The following NFATC1 variants were observed in gnomAD, a reference collection of about 807,000 sequenced individuals.
The protein encoded by NFATC1 is nuclear factor of activated T cells 1.
Under a neutral mutation model 76.0 loss-of-function variants are expected in NFATC1, and 22 were observed. That is an observed-to-expected ratio of 0.29 (90% CI 0.21 to 0.41). The LOEUF is 0.41. Among genes scored for constraint, NFATC1 ranks in the 10% least tolerant of loss-of-function variants. The pLI is 1.00. For missense variants in NFATC1, 1,357 were observed against 1,337.7 expected (o/e 1.01, Z -0.23); for synonymous variants, 704 against 613.1 (o/e 1.15, Z -2.19).
intron 2 of NFATC1, among the ~76,000 whole-genome samples, chr18:79,422,981 G>T (rs1289301551): frequency 1.3e-5 from 2 of 151,800 alleles, no homozygotes; most frequent in Non-Finnish European, 2.9e-5. Context: ...ACCCATCCGG[G>T]GCAGGGCAGG....
intron 6 of NFATC1, among the ~76,000 whole-genome samples, chr18:79,455,168 G>A (rs969912506): frequency 3.3e-5 from 5 of 152,236 alleles, no homozygotes; most frequent in East Asian, 1.9e-4. Flanking sequence ...TAAGTCACGC[G>A]TCTGTTCTGG....
At chr18:79,402,492 C>T (rs372266222) in intron 1 of NFATC1, 43 of 722,660 alleles carry the variant, frequency 6.0e-5, no homozygotes, top group African/African-American at 3.7e-4. Flanking sequence ...CTGGGCCCTC[C>T]GGAGCTGCGC....
intron 2 of NFATC1, among the ~76,000 whole-genome samples, chr18:79,418,874 C>T (rs1185214603): frequency 2.0e-5 from 3 of 152,086 alleles, no homozygotes; most frequent in South Asian, 2.1e-4. Context: ...CTGCGGAGGC[C>T]GAGGGCCTGT....
intron 1 of NFATC1, among the ~76,000 whole-genome samples, chr18:79,396,552 C>T (rs2085011075): frequency 6.6e-6 from 1 of 152,164 alleles, no homozygotes; most frequent in Non-Finnish European, 1.5e-5. Context: ...CCGAGCGCGC[C>T]TTCTGCCAAT....
In NFATC1 at chr18:79,486,499, AGC is replaced by A; in HGVS notation, c.2345_2346del (p.Ser782ThrfsTer51). Reference protein sequence around the residue: ...SPAAYTKGVASPGHCHLGLPQ... With the variant: ...SPAAYTKGVAXPGHCHLGLPQ... ...CGCTGCCTACACCAAGGGCGTTGCC[AGC>A]CCGGGCCACTGTCACCTCGGACTCC... On this transcript the variant is annotated frameshift_variant, in exon 9 of 10. Transcript: ENST00000427363. LOFTEE classifies it high-confidence loss of function. 6.2e-7 allele frequency: 1 copy of A among 1,604,924 alleles called. No homozygotes were observed. The highest frequency in any genetic ancestry group is 8.5e-7 in the Non-Finnish European group (1 of 1,179,442).
chr18:79,451,221 T>A, intron 5 of NFATC1, 95 bp downstream of exon 5: 2 of 1,437,406 alleles, frequency 1.4e-6, no homozygotes, highest in Non-Finnish European at 1.9e-6. Context: ...TCGTGTAGAC[T>A]TGGGACTGAA....
At chr18:79,449,734 G>A (rs780469155) in intron 4 of NFATC1, among the ~76,000 whole-genome samples, 4 of 152,210 alleles carry the variant, frequency 2.6e-5, no homozygotes, top group Non-Finnish European at 4.4e-5. Context: ...GTGTGATGGG[G>A]AAGCTGTGTG....
chr18:79,435,770 A>G (rs533671702), intron 3 of NFATC1, among the ~76,000 whole-genome samples: 5 of 152,312 alleles, frequency 3.3e-5, no homozygotes, highest in East Asian at 1.9e-4. Flanking sequence ...ACCCTCAACA[A>G]TTATTCCAAA....
At chr18:79,487,968 G>A (rs944998567) in intron 9 of NFATC1, among the ~76,000 whole-genome samples, 18 of 152,176 alleles carry the variant, frequency 1.2e-4, no homozygotes, top group Non-Finnish European at 2.5e-4. Context: ...TCCCAGGCCC[G>A]GGTTCCAGCA....
At chr18:79,520,027 A>G (rs1235163790) in intron 9 of NFATC1, among the ~76,000 whole-genome samples, 1 of 152,150 alleles carries the variant, frequency 6.6e-6, no homozygotes, top group Non-Finnish European at 1.5e-5. Flanking sequence ...GGAAGCGGGG[A>G]TGGAGGGCAC....
At chr18:79,405,089 C>T (rs12606132) in intron 1 of NFATC1, among the ~76,000 whole-genome samples, 88,087 of 152,058 alleles carry the variant, frequency 0.58, 28,340 homozygotes, top group East Asian at 0.8. Flanking sequence ...CCCGCGTGGC[C>T]GTCTGTCCTA....
intron 9 of NFATC1, among the ~76,000 whole-genome samples, chr18:79,515,351 A>AT (rs1261176534): frequency 1.3e-5 from 2 of 151,108 alleles, no homozygotes; most frequent in African/African-American, 4.9e-5. Flanking sequence ...AAAAAAAAAA[A>AT]AAAAAAAGAA....
rs557662106 is a variant in NFATC1, at chr18:79,486,306, G to C, written c.2151G>C (p.Pro717=). 2.8e-5 allele frequency: 45 copies of C among 1,612,950 alleles called. No individual in the cohort carries two copies. Among genetic ancestry groups the C allele is most frequent in the Non-Finnish European group, 3.6e-5 (43 of 1,179,960 alleles). The change falls in exon 9 of 10, where the codon CCG becomes CCC. Residue 717 remains proline, a synonymous_variant. Transcript: ENST00000427363. ...ATGAGCCTGCTCCAACCTGTGGACC[G>C]GTGAGCCAGGGGTTAAGTCCTCTCC... ...DDYEPAPTCG[P]VSQGLSPLPR...
chr18:79,406,781 C>T (rs549253696), intron 1 of NFATC1, among the ~76,000 whole-genome samples: 5 of 152,278 alleles, frequency 3.3e-5, no homozygotes, highest in African/African-American at 7.2e-5. Context: ...GGTCCCCCAC[C>T]GCGCCTTCCT....
chr18:79,448,841 C>T lies in NFATC1; in HGVS notation c.1446C>T (p.Asp482=), dbSNP rs146371354. Residue 482 remains aspartate, a synonymous_variant, in exon 4 of 10, where the codon GAC becomes GAT. Transcript: ENST00000427363. ...TGCAGCTTTTCATTGGGACGGCGGA[C>T]GACCGCCTGCTGCGCCCGCACGCCT... ...LMLQLFIGTA[D]DRLLRPHAFY... is the part of the protein sequence containing the mutation. The T allele has an allele frequency of 2.6e-3, 4,220 of 1,613,798 alleles. 7 individuals carry two copies. The highest frequency in any genetic ancestry group is 3.0e-3 in the Non-Finnish European group (3,510 of 1,180,026).
At chr18:79,491,885 A>C (rs557693676) in intron 9 of NFATC1, among the ~76,000 whole-genome samples, 1 of 152,010 alleles carries the variant, frequency 6.6e-6, no homozygotes, top group Non-Finnish European at 1.5e-5. Context: ...CCGCCTGACC[A>C]GAATCAGAGC....
chr18:79,451,952 T>A (rs2087493730), intron 6 of NFATC1, 136 bp downstream of exon 6: 1 of 1,083,136 alleles, frequency 9.2e-7, no homozygotes, highest in Non-Finnish European at 1.3e-6. Context: ...GAGCAGAGGC[T>A]CTGCGTGGCC....
At chr18:79,400,322 C>T (rs1264259765) in intron 1 of NFATC1, 3 of 1,318,978 alleles carry the variant, frequency 2.3e-6, no homozygotes, top group East Asian at 3.4e-5. Context: ...GACGCGCGGG[C>T]AGCGCCGGGA....
At chr18:79,513,082 G>A (rs979788026) in intron 9 of NFATC1, among the ~76,000 whole-genome samples, 41 of 152,212 alleles carry the variant, frequency 2.7e-4, no homozygotes, top group African/African-American at 9.4e-4. Flanking sequence ...TATCACTTTC[G>A]AACGCTCGGC....
Sources: gnomAD v4.1 joint callset for allele counts (sites outside exome capture counted in the v4.1 genomes callset) on GRCh38, gnomAD v4.1.1 for gene constraint, MANE v1.5 for transcripts, NCBI Gene and HGNC (gene_info 2026-07-23, HGNC 2026-07-21) for gene names.